GPATCH3: variants seen among roughly 807,000 people sequenced by gnomAD.
GPATCH3 encodes G-patch domain containing 3.
In GPATCH3, 45 loss-of-function variants were observed where a neutral mutation model predicts 53.2. The ratio of observed to expected loss-of-function variants is 0.85; its 90% confidence interval spans 0.67 to 1.08. The LOEUF is 1.08. Among genes scored for constraint, GPATCH3 ranks in the 50% least tolerant of loss-of-function variants. The pLI is 0.00. For synonymous variants in GPATCH3, 280 were observed against 270.6 expected (o/e 1.03, Z -0.34); for missense variants, 680 against 687.2 (o/e 0.99, Z 0.12).
intron 1 of GPATCH3, among the ~76,000 whole-genome samples, chr1:26,899,065 C>T (rs986207968): frequency 6.6e-6 from 1 of 152,236 alleles, no homozygotes; most frequent in Admixed American, 6.5e-5. Flanking sequence ...ACACCATTCT[C>T]TCCTATTAAC....
In GPATCH3 at chr1:26,894,383, G is replaced by A. The variant is rs1407598703; in HGVS notation, c.904C>T (p.Arg302Trp). ...ACGTCCTCATGCAGCGCTTCATGCC[G>A]TTCCCATTCCTCACCCCGGTCATCG... ...EDDDRGEEWE[R>W]HEALHEDVTG... Residue 302 changes from arginine to tryptophan, a missense_variant, in exon 3 of 7, where the codon CGG becomes TGG. Transcript: ENST00000361720. 19 of 1,613,856 alleles carry A rather than the reference G, an allele frequency of 1.2e-5. No individual in the cohort carries two copies. Among genetic ancestry groups the A allele is most frequent in the East Asian group, 4.5e-5 (2 of 44,874 alleles).
At position 26,899,870 on chromosome 1, in the gene GPATCH3, C is replaced by G. The variant is rs527380031; in HGVS notation, c.451+122G>C. On this transcript the variant is annotated intron_variant, in intron 1 of 6. Coordinates refer to ENST00000361720, the MANE Select transcript of GPATCH3 (RefSeq NM_022078.3). ...CTGCAAGTTGAGCCTGAAGCTCTGT[C>G]TAGAATATGAACTAAACTCATAGAG... The G allele has an allele frequency of 1.1e-4, 97 of 851,406 alleles. No homozygotes were observed. The South Asian group carries it at 1.6e-3, about 14-fold the overall frequency. 52.7% of individuals were successfully genotyped at this position (851,406 alleles called of 1,614,324 possible). A position where few individuals can be genotyped will look rare whatever the true frequency, so the allele number is the denominator to read the frequency against.
In GPATCH3 at chr1:26,900,462, A is replaced by G. The variant is rs2081972553; in HGVS notation, c.-20T>C. 6.3e-7 allele frequency: 1 copy of G among 1,591,454 alleles called. No homozygotes were observed. Among genetic ancestry groups the G allele is most frequent in the East Asian group, 2.2e-5 (1 of 44,526 alleles). On this transcript the variant is annotated 5_prime_UTR_variant, in exon 1 of 7. Transcript: ENST00000361720. ...CGCCATCTTGGATTGTCACATGATCAGCTAGAACCAAGTCTCGCGAGAACA... is the reference window on the plus strand; with the variant it reads ...CGCCATCTTGGATTGTCACATGATCGGCTAGAACCAAGTCTCGCGAGAACA...
chr1:26,893,501 T>C, intron 3 of GPATCH3, 53 bp from the exon 4 acceptor site: 1 of 1,337,370 alleles, frequency 7.5e-7, no homozygotes, highest in Non-Finnish European at 1.1e-6. Context: ...CTCAGTTCTA[T>C]TAAGAGTTAA....
intron 2 of GPATCH3, among the ~76,000 whole-genome samples, chr1:26,896,465 G>A (rs2081951064): frequency 6.6e-6 from 1 of 151,506 alleles, no homozygotes; most frequent in Non-Finnish European, 1.5e-5. Flanking sequence ...GCCGAGGCAG[G>A]TGGGTCACGA....
At chr1:26,892,626 A>C in intron 5 of GPATCH3, 44 bp downstream of exon 5, 1 of 1,609,746 alleles carries the variant, frequency 6.2e-7, no homozygotes, top group South Asian at 1.1e-5. Flanking sequence ...AAAGTAGAGA[A>C]GGAAAAGAGA....
chr1:26,893,394 T>A lies in GPATCH3; in HGVS notation c.1106A>T (p.Asp369Val). ...TGCCACTCCTTGCCCAGTACCTCTG[T>A]CATAGTACACACTCATGTCCACATC... is the stretch of plus-strand genomic sequence containing the variant. ...DWDVDMSVYY[D>V]RDGGDKDARD... The change falls in exon 4 of 7, where the codon GAC (aspartate) becomes GTC (valine). Residue 369 changes from aspartate (D) to valine (V), a missense_variant. By Grantham distance (152) the Asp-to-Val change is radical. Coordinates refer to ENST00000361720, the MANE Select transcript of GPATCH3 (RefSeq NM_022078.3). 6.2e-7 allele frequency: 1 copy of A among 1,613,080 alleles called. No homozygotes were observed. Among genetic ancestry groups the A allele is most frequent in the Non-Finnish European group, 8.5e-7 (1 of 1,179,072 alleles).
chr1:26,891,908 C>T (rs1450102695), intron 6 of GPATCH3, among the ~76,000 whole-genome samples: 1 of 152,154 alleles, frequency 6.6e-6, no homozygotes, highest in African/African-American at 2.4e-5. Context: ...AGGGTTTCAC[C>T]ATCTTGATCA....
rs1245867076 is a variant in GPATCH3, at chr1:26,890,635, C to T, written c.*375G>A. On this transcript the variant is annotated 3_prime_UTR_variant, in exon 7 of 7. Transcript: ENST00000361720. The stretch of plus-strand genomic sequence containing the variant: ...TCTTCCAAGCACCACAAATCCTCTC[C>T]TCGCCCAGGTCCCTTTCCCCCTTTC... 7.5e-6 allele frequency: 3 copies of T among 397,994 alleles called. No individual in the cohort carries two copies. The highest frequency in any genetic ancestry group is 1.5e-5 in the Non-Finnish European group (3 of 200,164). 24.7% of individuals were successfully genotyped at this position (397,994 alleles called of 1,614,324 possible).
chr1:26,892,819 A>G (rs767882955), intron 4 of GPATCH3, 28 bp from the exon 5 acceptor site: 1 of 1,607,880 alleles, frequency 6.2e-7, no homozygotes, highest in South Asian at 1.1e-5. Flanking sequence ...AGTTTATGGA[A>G]GCGTCCCTCT....
chr1:26,891,110 A>C lies in GPATCH3; in HGVS notation c.1478T>G (p.Leu493Arg), dbSNP rs749806043. 14 of 1,614,170 alleles carry C rather than the reference A, an allele frequency of 8.7e-6. No homozygotes were observed. The highest frequency in any genetic ancestry group is 7.7e-5 in the South Asian group (7 of 91,078). ...EPLPQDQTES[L>R]LRRQPPTSMK... ...GCTGGTGGGTGGCTGGCGGCGGAGCAGTGACTCCGTCTGGTCTTGGGGTAG... is the reference window on the plus strand; with the variant it reads ...GCTGGTGGGTGGCTGGCGGCGGAGCCGTGACTCCGTCTGGTCTTGGGGTAG... The change falls in exon 7 of 7, where the codon CTG becomes CGG. Residue 493 changes from leucine (L) to arginine (R), a missense_variant. Leu to Arg is a moderately radical substitution (Grantham distance 102). Coordinates refer to ENST00000361720, the MANE Select transcript of GPATCH3 (RefSeq NM_022078.3).
chr1:26,893,462 A>G lies in GPATCH3; in HGVS notation c.1052-14T>C. ...GTTCATCAAAATCTGTAGGGACAGA[A>G]AAGCATCCAACAGAGTACATTAAGG... On this transcript the variant is annotated splice_polypyrimidine_tract_variant and intron_variant, in intron 3 of 6. Coordinates refer to ENST00000361720, the MANE Select transcript of GPATCH3 (RefSeq NM_022078.3). 1.2e-6 allele frequency: 2 copies of G among 1,608,342 alleles called. No individual in the cohort carries two copies. Among genetic ancestry groups the G allele is most frequent in the South Asian group, 1.1e-5 (1 of 90,970 alleles).
intron 2 of GPATCH3, among the ~76,000 whole-genome samples, chr1:26,894,723 T>C (rs1257546722): frequency 6.6e-6 from 1 of 152,130 alleles, no homozygotes; most frequent in African/African-American, 2.4e-5. Flanking sequence ...CCTCAAGTCA[T>C]ACAGCCTACA....
rs1322547549 is a variant in GPATCH3, at chr1:26,892,650, T to G, written c.1233+20A>C. Reference sequence around the variant, plus strand: ...AAGGAAAAGAGAGGGGTCCATGGGGTGGGCACAGTGCTAACTCACCTTGGT... The same window carrying G: ...AAGGAAAAGAGAGGGGTCCATGGGGGGGGCACAGTGCTAACTCACCTTGGT... On this transcript the variant is annotated intron_variant, in intron 5 of 6. Coordinates refer to ENST00000361720, the MANE Select transcript of GPATCH3 (RefSeq NM_022078.3). 6.2e-7 allele frequency: 1 copy of G among 1,613,148 alleles called. No homozygotes were observed. Among genetic ancestry groups the G allele is most frequent in the African/African-American group, 1.3e-5 (1 of 74,802 alleles).
Position 26,900,201 on chromosome 1 carries a change from G to A in GPATCH3, c.242C>T (p.Thr81Ile). ...PAAEGQLLSQ[T>I]SATDVRPLST... is the part of the protein sequence containing the mutation. ...GAGAGGCCGGACATCGGTGGCCGAA[G>A]TCTGAGAGAGAAGCTGGCCCTCAGC... The change falls in exon 1 of 7, where the codon ACT (threonine) becomes ATT (isoleucine). Residue 81 changes from threonine to isoleucine, a missense_variant. By Grantham distance (89) the Thr-to-Ile change is moderately conservative. Coordinates refer to ENST00000361720, the MANE Select transcript of GPATCH3 (RefSeq NM_022078.3). 2 of 1,614,186 alleles carry A rather than the reference G, an allele frequency of 1.2e-6. No homozygotes were observed. The highest frequency in any genetic ancestry group is 1.7e-6 in the Non-Finnish European group (2 of 1,180,046).
chr1:26,898,578 C>T (rs966173495), intron 1 of GPATCH3, among the ~76,000 whole-genome samples: 15 of 151,946 alleles, frequency 9.9e-5, no homozygotes, highest in Non-Finnish European at 2.2e-4. Flanking sequence ...CCTTTTGATT[C>T]TCGGCTGTCA....
rs746582376 is a variant in GPATCH3 at position 26,900,141 on chromosome 1, G to A, written c.302C>T (p.Thr101Ile). ...CCTTACCGAGATGACGCAGCAGCAG[G>A]TGCGGGTCTGGATTGGAGTAGAGTC... The part of the protein sequence containing the change: ...TRDSTPIQTR[T>I]CCCVISVRGL... Residue 101 changes from threonine to isoleucine, a missense_variant, in exon 1 of 7, where the codon ACC becomes ATC. Physicochemically the swap from Thr to Ile is moderately conservative, Grantham distance 89. Transcript: ENST00000361720. 3.7e-6 allele frequency: 6 copies of A among 1,614,098 alleles called. No individual in the cohort carries two copies. The highest frequency in any genetic ancestry group is 5.1e-6 in the Non-Finnish European group (6 of 1,180,058).
chr1:26,893,242 A>G, intron 4 of GPATCH3, 147 bp downstream of exon 4: 1 of 736,512 alleles, frequency 1.4e-6, no homozygotes, highest in Non-Finnish European at 2.5e-6. Flanking sequence ...ACACAACCAA[A>G]GATGTTTTAA....
chr1:26,892,830 C>G (rs2081934400), intron 4 of GPATCH3, 39 bp from the exon 5 acceptor site: 1 of 1,603,824 alleles, frequency 6.2e-7, no homozygotes, highest in African/African-American at 1.3e-5. Context: ...GCGTCCCTCT[C>G]AAAGAAGGGG....
Sources: gnomAD v4.1 joint callset for allele counts (sites outside exome capture counted in the v4.1 genomes callset) on GRCh38, gnomAD v4.1.1 for gene constraint, MANE v1.5 for transcripts, NCBI Gene and HGNC (gene_info 2026-07-23, HGNC 2026-07-21) for gene names.